FER: variants seen among roughly 807,000 people sequenced by gnomAD.
FER encodes the protein FER tyrosine kinase, also known as tyrosine-protein kinase Fer.
FER carries 63 observed loss-of-function variants against 111.0 expected under a neutral mutation model. The observed-to-expected ratio is 0.57, with a 90% confidence interval of 0.46 to 0.70. The LOEUF (loss-of-function observed/expected upper bound fraction) is 0.70, where lower values mean the gene tolerates loss of function less well. FER is among the 30% of genes least tolerant of loss of function. The pLI, the probability that FER is intolerant of heterozygous loss-of-function variation, is 0.00. For synonymous variants in FER, 327 were observed against 313.9 expected (o/e 1.04, Z -0.44); for missense variants, 914 against 954.0 (o/e 0.96, Z 0.55).
At chr5:108,788,607 A>G (rs1354382625) in intron 2 of FER, among the ~76,000 whole-genome samples, 1 of 146,656 alleles carries the variant, frequency 6.8e-6, no homozygotes, top group Non-Finnish European at 1.5e-5. Flanking sequence ...CTTAATTTCT[A>G]TCCTTTGGTT....
intron 1 of FER, among the ~76,000 whole-genome samples, chr5:108,751,018 C>A (rs542943690): frequency 3.0e-4 from 45 of 152,100 alleles, no homozygotes; most frequent in African/African-American, 1.0e-3. Context: ...AATGGAGAAA[C>A]ATGGTCTCTA....
chr5:109,179,063 G>A (rs543715788), intron 17 of FER, among the ~76,000 whole-genome samples: 7 of 152,072 alleles, frequency 4.6e-5, no homozygotes, highest in Non-Finnish European at 8.8e-5. Context: ...CTGCTTACAA[G>A]AATACTTTGT....
intron 13 of FER, among the ~76,000 whole-genome samples, chr5:108,965,127 G>A (rs1275681157): frequency 1.3e-5 from 2 of 151,982 alleles, no homozygotes; most frequent in Non-Finnish European, 1.5e-5. Flanking sequence ...CAATTAATTA[G>A]GTCTATTGAG....
intron 13 of FER, among the ~76,000 whole-genome samples, chr5:108,992,258 G>C (rs1028345539): frequency 1.1e-4 from 16 of 152,200 alleles, no homozygotes; most frequent in African/African-American, 3.4e-4. Flanking sequence ...AAAATGAAAA[G>C]TCTCCCATGT....
rs200942161 is a variant in FER at position 109,002,310 on chromosome 5, A to G, written c.1657-35112A>G. ...ATGGAACAGAACAGAGCCCTCAGAAATAACGCCGCATATCTACAACTATCT... is the reference window on the plus strand; with the variant it reads ...ATGGAACAGAACAGAGCCCTCAGAAGTAACGCCGCATATCTACAACTATCT... On this transcript the variant is annotated intron_variant, in intron 13 of 19. Coordinates refer to ENST00000281092, the MANE Select transcript of FER (RefSeq NM_005246.4). Among the ~76,000 whole-genome samples, 9 of 151,998 alleles carry G rather than the reference A, an allele frequency of 5.9e-5. No homozygotes were observed. In the East Asian group the frequency reaches 1.7e-3, roughly 29 times the overall value.
intron 14 of FER, among the ~76,000 whole-genome samples, chr5:109,038,007 T>C (rs1237360040): frequency 1.3e-5 from 2 of 151,880 alleles, no homozygotes; most frequent in Admixed American, 1.3e-4. Flanking sequence ...TTATAACTAG[T>C]TCTATTAATC....
chr5:109,065,278 T>A (rs1179806989), intron 16 of FER, among the ~76,000 whole-genome samples: 8 of 152,266 alleles, frequency 5.3e-5, no homozygotes, highest in East Asian at 1.9e-4. Context: ...ATCAAAATTT[T>A]AAAAAAACAT....
intron 17 of FER, among the ~76,000 whole-genome samples, chr5:109,103,470 T>C (rs1020273284): frequency 6.6e-6 from 1 of 152,158 alleles, no homozygotes; most frequent in Admixed American, 6.5e-5. Context: ...GGAAAGAGGT[T>C]ACTGCATTAA....
intron 17 of FER, among the ~76,000 whole-genome samples, chr5:109,144,923 A>G (rs1753911278): frequency 6.6e-6 from 1 of 152,092 alleles, no homozygotes; most frequent in South Asian, 2.1e-4. Context: ...CCATCTATGA[A>G]GAATCTTCAA....
At chr5:108,800,772 C>A (rs185111688) in intron 3 of FER, among the ~76,000 whole-genome samples, 199 of 152,322 alleles carry the variant, frequency 1.3e-3, no homozygotes, top group African/African-American at 4.3e-3. Context: ...CTGGGCCGGG[C>A]GTGGTGGCTC....
intron 10 of FER, among the ~76,000 whole-genome samples, chr5:108,902,369 A>G (rs1750159807): frequency 6.6e-6 from 1 of 152,198 alleles, no homozygotes; most frequent in South Asian, 2.1e-4. Context: ...GATTTGATTC[A>G]TTAGATTAGA....
intron 5 of FER, among the ~76,000 whole-genome samples, chr5:108,853,536 A>G (rs978125551): frequency 6.6e-6 from 1 of 152,252 alleles, no homozygotes; most frequent in Non-Finnish European, 1.5e-5. Context: ...GAAGGAAGTC[A>G]GGGAGTGAAC....
At chr5:108,866,893 T>G (rs1010716990) in intron 5 of FER, among the ~76,000 whole-genome samples, 10 of 152,190 alleles carry the variant, frequency 6.6e-5, no homozygotes, top group African/African-American at 2.4e-4. Context: ...CTGTAAATGT[T>G]TTCTAAATGA....
At chr5:108,923,423 A>T (rs901798177) in intron 10 of FER, among the ~76,000 whole-genome samples, 1 of 152,098 alleles carries the variant, frequency 6.6e-6, no homozygotes, top group African/African-American at 2.4e-5. Context: ...CAGAATTGTG[A>T]CCCAGGGAAG....
At chr5:109,045,307 A>ATACATTATG (rs1771801269) in intron 15 of FER, among the ~76,000 whole-genome samples, 1 of 151,198 alleles carries the variant, frequency 6.6e-6, no homozygotes, top group Non-Finnish European at 1.5e-5. Flanking sequence ...CATTATATAT[A>ATACATTATG]TACATTATAT....
At chr5:108,850,280 T>G (rs950523360) in intron 5 of FER, among the ~76,000 whole-genome samples, 1 of 152,182 alleles carries the variant, frequency 6.6e-6, no homozygotes, top group African/African-American at 2.4e-5. Flanking sequence ...CTACTGTTTT[T>G]CTGTATGATA....
At chr5:108,894,513 A>G (rs1748738687) in intron 9 of FER, 1 of 395,722 alleles carries the variant, frequency 2.5e-6, no homozygotes, top group Non-Finnish European at 5.0e-6. Flanking sequence ...GATATTAGTT[A>G]GTTTGATGTT....
At chr5:108,878,128 A>T (rs1020680583) in intron 8 of FER, among the ~76,000 whole-genome samples, 3 of 151,998 alleles carry the variant, frequency 2.0e-5, no homozygotes, top group African/African-American at 7.2e-5. Flanking sequence ...GCTGGTCTCG[A>T]ACTCCTGACC....
At chr5:108,956,561 A>G (rs1561675582) in intron 12 of FER, among the ~76,000 whole-genome samples, 1 of 151,622 alleles carries the variant, frequency 6.6e-6, no homozygotes, top group Non-Finnish European at 1.5e-5. Flanking sequence ...AATATAATAT[A>G]TGCTAAAAAT....
Sources: allele counts gnomAD v4.1 joint callset (sites outside exome capture counted in the v4.1 genomes callset), GRCh38; gene constraint gnomAD v4.1.1; transcripts MANE v1.5; gene names NCBI Gene and HGNC (gene_info 2026-07-23, HGNC 2026-07-21).